Variants in PSD3 observed in about 807,000 individuals in gnomAD.
PSD3 encodes the protein pleckstrin and Sec7 domain containing 3.
In PSD3, 49 loss-of-function variants were observed where a neutral mutation model predicts 105.5. The observed-to-expected ratio is 0.46, with a 90% CI of 0.37 to 0.59. The LOEUF (loss-of-function observed/expected upper bound fraction) is 0.59. Ranked by LOEUF, PSD3 falls within the 20% of genes least tolerant of loss-of-function variation. The pLI, the probability that PSD3 is intolerant of heterozygous loss-of-function variation, is 0.00. For synonymous variants in PSD3, 557 were observed against 457.8 expected (o/e 1.22, Z -2.77); for missense variants, 1,561 against 1,263.8 (o/e 1.24, Z -3.57).
intron 9 of PSD3, chr8:18,730,374 AC>A (rs1444834426): frequency 6.6e-6 from 1 of 152,134 alleles, no homozygotes; most frequent in Non-Finnish European, 1.5e-5. Context: ...AAACATATAC[AC>A]CCCACGTTAT....
chr8:18,782,526 C>T lies in PSD3; in HGVS notation c.2082+16769G>A, dbSNP rs558988170. Among the ~76,000 whole-genome samples, 16 of 152,262 alleles carry T rather than the reference C, an allele frequency of 1.1e-4. No homozygotes were observed. In the East Asian group the frequency reaches 2.7e-3, roughly 26 times the overall value. ...AGTGAGGCTTTGCTAGTGAAAGGGA[C>T]ATCAGGCAGGCCAGTTCTTAGGCAA... On this transcript the variant is annotated intron_variant, in intron 8 of 15. Coordinates refer to ENST00000327040, the MANE Select transcript of PSD3 (RefSeq NM_015310.4).
chr8:18,582,521 T>C (rs968523538), intron 12 of PSD3, among the ~76,000 whole-genome samples: 7 of 152,122 alleles, frequency 4.6e-5, no homozygotes, highest in African/African-American at 1.7e-4. Context: ...CTCCTCACTC[T>C]TGGAGTGACA....
chr8:19,021,016 G>A (rs1827345217), intron 1 of PSD3, among the ~76,000 whole-genome samples: 1 of 152,148 alleles, frequency 6.6e-6, no homozygotes, highest in Admixed American at 6.5e-5. Context: ...AGTGGGAGCT[G>A]TAACAGAGAT....
chr8:18,920,204 A>C (rs1446963470), intron 2 of PSD3, among the ~76,000 whole-genome samples: 1 of 152,184 alleles, frequency 6.6e-6, no homozygotes, highest in Non-Finnish European at 1.5e-5. Context: ...TCAACTCTTT[A>C]AGGGCAAAAA....
intron 9 of PSD3, among the ~76,000 whole-genome samples, chr8:18,745,928 T>C (rs1166542954): frequency 6.6e-6 from 1 of 152,252 alleles, no homozygotes; most frequent in African/African-American, 2.4e-5. Context: ...TTTATTTGCA[T>C]ATCCTAGTAT....
chr8:18,595,976 C>T (rs934241870), intron 12 of PSD3, among the ~76,000 whole-genome samples: 1 of 152,026 alleles, frequency 6.6e-6, no homozygotes, highest in Non-Finnish European at 1.5e-5. Context: ...GCACATGGAA[C>T]ATTCTCTGGG....
chr8:18,832,977 G>T (rs1813798641), intron 4 of PSD3, among the ~76,000 whole-genome samples: 1 of 152,182 alleles, frequency 6.6e-6, no homozygotes, highest in African/African-American at 2.4e-5. Context: ...CAGTAAACAA[G>T]GCAGATATGC....
intron 4 of PSD3, among the ~76,000 whole-genome samples, chr8:18,820,658 T>C (rs968245862): frequency 6.6e-6 from 1 of 152,120 alleles, no homozygotes; most frequent in South Asian, 2.1e-4. Context: ...TCTTTTTTTT[T>C]AAATCTATTT....
At position 18,529,468 on chromosome 8, in the gene PSD3, T is replaced by C. The variant is rs1349333285; in HGVS notation, c.*6275A>G. On this transcript the variant is annotated 3_prime_UTR_variant, in exon 16 of 16. Transcript: ENST00000327040. ...GTCAGAGGTCCCAGACATGTCAACT[T>C]TTCTCCTTATACACCTAAGGGGACA... 1 of 152,508 alleles carries C rather than the reference T, an allele frequency of 6.6e-6. No individual in the cohort carries two copies. Among genetic ancestry groups the C allele is most frequent in the East Asian group, 1.9e-4 (1 of 5,178 alleles). The allele number at this position is 152,508 out of a possible 1,614,324, so 9.4% of individuals were successfully genotyped here. A position where few individuals can be genotyped will look rare whatever the true frequency, so the allele number is the denominator to read the frequency against.
rs181942471 is a variant in PSD3 at position 18,558,139 on chromosome 8, T to C, written c.2785-1787A>G. On this transcript the variant is annotated intron_variant, in intron 14 of 15. Transcript: ENST00000327040. Reference sequence around the variant, plus strand: ...ATCTCCAGAACTGTGAGAAAATAGATGTCTGCTATGGAAGCCACCCAATCT... The same window carrying C: ...ATCTCCAGAACTGTGAGAAAATAGACGTCTGCTATGGAAGCCACCCAATCT... Among the ~76,000 whole-genome samples, 199 of 152,336 alleles carry C rather than the reference T, an allele frequency of 1.3e-3. 1 individual carries two copies. Among genetic ancestry groups the C allele is most frequent in the African/African-American group, 4.6e-3 (193 of 41,582 alleles).
chr8:19,020,290 G>A (rs370552172), intron 1 of PSD3, among the ~76,000 whole-genome samples: 18 of 152,230 alleles, frequency 1.2e-4, no homozygotes, highest in African/African-American at 3.1e-4. Flanking sequence ...GCAGTACAGC[G>A]TCAGGAGAGT....
chr8:18,945,655 A>T (rs889274953), intron 1 of PSD3, among the ~76,000 whole-genome samples: 7 of 152,248 alleles, frequency 4.6e-5, no homozygotes, highest in Non-Finnish European at 8.8e-5. Context: ...TATCTACATT[A>T]TCTCTACATC....
chr8:18,677,733 T>TGGGCAC (rs1352139136), intron 9 of PSD3, among the ~76,000 whole-genome samples: 1 of 152,198 alleles, frequency 6.6e-6, no homozygotes, highest in African/African-American at 2.4e-5. Context: ...ACATGTTGAC[T>TGGGCAC]GGGCACGGTG....
intron 9 of PSD3, among the ~76,000 whole-genome samples, chr8:18,663,837 C>T (rs1453902594): frequency 6.6e-6 from 1 of 152,176 alleles, no homozygotes; most frequent in East Asian, 1.9e-4. Context: ...TTTGTGGCTA[C>T]CCTGTTTTGA....
intron 1 of PSD3, among the ~76,000 whole-genome samples, chr8:19,052,121 G>C (rs1191134127): frequency 2.6e-5 from 4 of 152,192 alleles, no homozygotes; most frequent in Non-Finnish European, 5.9e-5. Flanking sequence ...GGCTGGAAGA[G>C]AGCAAGGATG....
chr8:19,062,980 G>C (rs1177577645), intron 1 of PSD3, among the ~76,000 whole-genome samples: 1 of 152,176 alleles, frequency 6.6e-6, no homozygotes, highest in Non-Finnish European at 1.5e-5. Context: ...ATAGGTATTT[G>C]TTAATTAAAA....
chr8:18,974,285 G>A (rs574023373), intron 1 of PSD3, among the ~76,000 whole-genome samples: 2 of 152,274 alleles, frequency 1.3e-5, no homozygotes, highest in African/African-American at 2.4e-5. Context: ...TGGGGAACAG[G>A]ATTCAAACCA....
chr8:18,659,823 A>G (rs778287411), intron 9 of PSD3, among the ~76,000 whole-genome samples: 7 of 152,164 alleles, frequency 4.6e-5, no homozygotes, highest in Non-Finnish European at 7.4e-5. Context: ...CTAAAACTGG[A>G]GGCATAGTCT....
chr8:18,546,775 T>C (rs1800476637), intron 15 of PSD3, among the ~76,000 whole-genome samples: 1 of 152,184 alleles, frequency 6.6e-6, no homozygotes, highest in South Asian at 2.1e-4. Flanking sequence ...TTGATCAACA[T>C]CTACTTATTT....
Sources: gnomAD v4.1 joint callset for allele counts (sites outside exome capture counted in the v4.1 genomes callset) on GRCh38, gnomAD v4.1.1 for gene constraint, MANE v1.5 for transcripts, NCBI Gene and HGNC (gene_info 2026-07-23, HGNC 2026-07-21) for gene names.